Variants in ALK observed in about 807,000 individuals in gnomAD.
ALK encodes ALK tyrosine kinase receptor.
A neutral mutation model predicts 163.1 loss-of-function variants in ALK; 74 were observed. That is an observed-to-expected ratio of 0.45 (90% CI 0.38 to 0.55). The LOEUF (loss-of-function observed/expected upper bound fraction) is 0.55, where lower values mean the gene tolerates loss of function less well. ALK is among the 20% of genes least tolerant of loss of function. The pLI is 0.00. For missense variants in ALK, 2,063 were observed against 2,105.3 expected (o/e 0.98, Z 0.39); for synonymous variants, 960 against 843.2 (o/e 1.14, Z -2.40).
chr2:29,275,301 G>A (rs1466583941), intron 10 of ALK, 74 bp from the exon 11 acceptor site: 7 of 1,609,550 alleles, frequency 4.3e-6, no homozygotes, highest in African/African-American at 2.7e-5. Flanking sequence ...TTCACACTGA[G>A]GGAGGTGGGA....
Position 29,233,317 on chromosome 2 carries a change from A to AT in ALK, c.2487+247dup, listed in dbSNP as rs576884153. ...GCCACCAAAACTGGCTAATTTTTAA[A>AT]TTTTTTTTGGTAGAGACAACGTTTT... On this transcript the variant is annotated intron_variant, in intron 14 of 28. Coordinates refer to ENST00000389048, the MANE Select transcript of ALK (RefSeq NM_004304.5). 8.5e-3 allele frequency among the ~76,000 whole-genome samples: 1,296 copies of AT among 152,026 alleles called. 9 individuals carry two copies. The highest frequency in any genetic ancestry group is 0.032 in the South Asian group (154 of 4,808).
chr2:29,509,794 A>G (rs1364547053), intron 4 of ALK, among the ~76,000 whole-genome samples: 1 of 152,224 alleles, frequency 6.6e-6, no homozygotes, highest in Non-Finnish European at 1.5e-5. Context: ...ACACTGGAGA[A>G]CCAGAAAGAA....
At chr2:29,516,473 T>C (rs1008723598) in intron 4 of ALK, among the ~76,000 whole-genome samples, 9 of 152,146 alleles carry the variant, frequency 5.9e-5, no homozygotes, top group African/African-American at 2.4e-5. Context: ...ATCTGGTACA[T>C]GTCGGGGAGA....
intron 3 of ALK, among the ~76,000 whole-genome samples, chr2:29,691,045 T>C (rs559942783): frequency 2.6e-5 from 4 of 152,336 alleles, no homozygotes; most frequent in Admixed American, 1.3e-4. Context: ...CAGGTTGTTT[T>C]CTCTTCCTGA....
chr2:29,612,232 T>A (rs1305625453), intron 3 of ALK, among the ~76,000 whole-genome samples: 1 of 152,192 alleles, frequency 6.6e-6, no homozygotes, highest in Non-Finnish European at 1.5e-5. Flanking sequence ...GCTAATAGCA[T>A]CTCTGATTTT....
At chr2:29,731,961 G>C (rs545518347) in intron 1 of ALK, among the ~76,000 whole-genome samples, 4 of 152,216 alleles carry the variant, frequency 2.6e-5, no homozygotes, top group Admixed American at 6.5e-5. Context: ...TCAGCAGTGG[G>C]AGGGGAAGAG....
chr2:29,295,267 A>G (rs1203597670), intron 9 of ALK, among the ~76,000 whole-genome samples: 1 of 152,208 alleles, frequency 6.6e-6, no homozygotes, highest in Non-Finnish European at 1.5e-5. Context: ...GAGTGAACCG[A>G]GTCAACATCT....
At chr2:29,609,513 A>G (rs72862826) in intron 3 of ALK, among the ~76,000 whole-genome samples, 2,016 of 152,302 alleles carry the variant, frequency 0.013, 38 homozygotes, top group African/African-American at 0.037. Flanking sequence ...TAGAATCCAG[A>G]ATATTAGATT....
At chr2:29,552,812 A>G (rs1189873210) in intron 3 of ALK, among the ~76,000 whole-genome samples, 1 of 152,134 alleles carries the variant, frequency 6.6e-6, no homozygotes. Flanking sequence ...TCCGTATCTC[A>G]ATCTGCCTCT....
chr2:29,495,596 C>T (rs1438570598), intron 4 of ALK, among the ~76,000 whole-genome samples: 1 of 152,156 alleles, frequency 6.6e-6, no homozygotes, highest in Non-Finnish European at 1.5e-5. Flanking sequence ...TCAAATTATC[C>T]AATTTGAATG....
chr2:29,869,700 A>G (rs1205883390), intron 1 of ALK, among the ~76,000 whole-genome samples: 2 of 152,214 alleles, frequency 1.3e-5, no homozygotes, highest in Non-Finnish European at 2.9e-5. Context: ...GGCTTTCCAA[A>G]TATAAAAGCA....
At chr2:29,288,024 G>A (rs1158306633) in intron 9 of ALK, among the ~76,000 whole-genome samples, 2 of 149,976 alleles carry the variant, frequency 1.3e-5, no homozygotes, top group Non-Finnish European at 3.0e-5. Flanking sequence ...AGTGCACCTG[G>A]CATTGTTGGG....
chr2:29,811,618 ATTT>A (rs1216361676), intron 1 of ALK, among the ~76,000 whole-genome samples: 2 of 152,168 alleles, frequency 1.3e-5, no homozygotes, highest in East Asian at 3.9e-4. Flanking sequence ...ACACAAACTG[ATTT>A]CATGCCAAAG....
At chr2:29,813,994 C>G (rs1024414183) in intron 1 of ALK, among the ~76,000 whole-genome samples, 3 of 152,318 alleles carry the variant, frequency 2.0e-5, no homozygotes, top group African/African-American at 7.2e-5. Flanking sequence ...CTTTAAACCT[C>G]TCTTCCAAAG....
chr2:29,209,218 C>G (rs913504535), intron 25 of ALK, among the ~76,000 whole-genome samples: 1 of 152,106 alleles, frequency 6.6e-6, no homozygotes, highest in Non-Finnish European at 1.5e-5. Flanking sequence ...GGCCAGATTA[C>G]AGTTGGAACC....
intron 11 of ALK, among the ~76,000 whole-genome samples, chr2:29,262,767 G>A (rs1665120418): frequency 6.6e-6 from 1 of 152,228 alleles, no homozygotes; most frequent in South Asian, 2.1e-4. Context: ...GGGCTGTCTA[G>A]ATAAAAGCTG....
intron 3 of ALK, among the ~76,000 whole-genome samples, chr2:29,673,052 A>G (rs1268719196): frequency 7.6e-6 from 1 of 132,208 alleles, no homozygotes; most frequent in Non-Finnish European, 1.6e-5. Context: ...AATTTGTTTG[A>G]GTTCATTGTA....
chr2:29,686,005 C>A (rs969602500), intron 3 of ALK, among the ~76,000 whole-genome samples: 2 of 152,192 alleles, frequency 1.3e-5, no homozygotes, highest in South Asian at 2.1e-4. Context: ...GACTCTCCTG[C>A]CTCCCTCCTT....
intron 3 of ALK, among the ~76,000 whole-genome samples, chr2:29,633,043 A>C (rs1004597801): frequency 1.3e-5 from 2 of 152,068 alleles, no homozygotes; most frequent in African/African-American, 2.4e-5. Context: ...CCACGCTGAC[A>C]CTCTGATCTT....
Sources: gnomAD v4.1 joint callset for allele counts (sites outside exome capture counted in the v4.1 genomes callset) on GRCh38, gnomAD v4.1.1 for gene constraint, MANE v1.5 for transcripts, NCBI Gene and HGNC (gene_info 2026-07-23, HGNC 2026-07-21) for gene names.